Variants in SH3BP2 observed in about 807,000 individuals in gnomAD.
The protein encoded by SH3BP2 is SH3 domain binding protein 2, also known as SH3 domain-binding protein 2.
In SH3BP2, 38 loss-of-function variants were observed where a neutral mutation model predicts 56.2. The ratio of observed to expected loss-of-function variants is 0.68; its 90% CI spans 0.52 to 0.89. SH3BP2 has a LOEUF of 0.89. SH3BP2 is among the 40% of genes least tolerant of loss of function. SH3BP2 has a pLI of 0.00. For synonymous variants in SH3BP2, 346 were observed against 316.7 expected (o/e 1.09, Z -0.98); for missense variants, 748 against 762.6 (o/e 0.98, Z 0.23).
At chr4:2,800,987 G>A (rs1395884180) in intron 1 of SH3BP2, among the ~76,000 whole-genome samples, 1 of 123,604 alleles carries the variant, frequency 8.1e-6, no homozygotes, top group Non-Finnish European at 1.9e-5. Context: ...TGACAGGCTG[G>A]CTCCGAGGGA....
At chr4:2,823,544 C>T in intron 3 of SH3BP2, 1 of 456,030 alleles carries the variant, frequency 2.2e-6, no homozygotes. Flanking sequence ...CCATGAGCTG[C>T]CCTGGAGGGC....
chr4:2,820,315 T>G (rs964091484), intron 1 of SH3BP2, among the ~76,000 whole-genome samples: 2 of 152,192 alleles, frequency 1.3e-5, no homozygotes, highest in African/African-American at 4.8e-5. Context: ...GGCCTTGCGC[T>G]CAGTGGCTGT....
In SH3BP2 at chr4:2,829,642, G is replaced by A; in HGVS notation, c.736G>A (p.Asp246Asn). The change falls in exon 8 of 13, where the codon GAT (aspartate) becomes AAT (asparagine). Residue 246 changes from aspartate to asparagine, a missense_variant. Around this residue, in one of 3 missense-constraint regions of SH3BP2, gnomAD observed 635 missense variants for 615.0 expected, o/e 1.03. Coordinates refer to ENST00000503393, the MANE Select transcript of SH3BP2 (RefSeq NM_001122681.2). The surrounding 1 kb of genome is among the most constrained non-coding windows in gnomAD (Gnocchi z 4.9). ...CCCGCCCCCTAAGCACGGCCTCCCA[G>A]ATGTTGGCCTGGCTGCTGAGGACTC... ...PPPPPKHGLP[D>N]VGLAAEDSKR... 1 of 1,612,658 alleles carries A rather than the reference G, an allele frequency of 6.2e-7. No homozygotes were observed. Among genetic ancestry groups the A allele is most frequent in the South Asian group, 1.1e-5 (1 of 91,056 alleles).
At chr4:2,824,553 G>A (rs1577359226) in intron 3 of SH3BP2, 60 bp from the exon 4 acceptor site, 7 of 1,280,114 alleles carry the variant, frequency 5.5e-6, no homozygotes, top group South Asian at 2.4e-5. Context: ...GGGGGGTGCT[G>A]TGGGAAGGCC....
intron 1 of SH3BP2, among the ~76,000 whole-genome samples, chr4:2,820,126 C>G (rs966448503): frequency 1.3e-5 from 2 of 152,202 alleles, no homozygotes; most frequent in African/African-American, 4.8e-5. Flanking sequence ...GAAAGTCACA[C>G]CAGGATGGGA....
chr4:2,807,750 G>A (rs561642543), intron 1 of SH3BP2, among the ~76,000 whole-genome samples: 1 of 152,190 alleles, frequency 6.6e-6, no homozygotes, highest in Non-Finnish European at 1.5e-5. Context: ...AGACAAGGAA[G>A]GGCAGGCCAA....
Position 2,810,728 on chromosome 4 carries a change from C to T in SH3BP2, c.-4-9886C>T, listed in dbSNP as rs575675402. Among the ~76,000 whole-genome samples, 23 of 152,246 alleles carry T rather than the reference C, an allele frequency of 1.5e-4. No homozygotes were observed. Among genetic ancestry groups the T allele is most frequent in the African/African-American group, 5.5e-4 (23 of 41,560 alleles). On this transcript the variant is annotated intron_variant, in intron 1 of 12. Transcript: ENST00000503393. The surrounding 1 kb of genome is among the most constrained non-coding windows in gnomAD (Gnocchi z 4.2). Reference sequence around the variant, plus strand: ...AAAGCTGGGCCCCTCCTCTGGGAGGCGTTCCCCAGTCCAGAACCCACAGGG... The same window carrying T: ...AAAGCTGGGCCCCTCCTCTGGGAGGTGTTCCCCAGTCCAGAACCCACAGGG...
In SH3BP2 at chr4:2,840,846, A is replaced by C. The variant is rs377443754; in HGVS notation, c.*7012A>C. 2.6e-5 allele frequency: 4 copies of C among 152,030 alleles called. No individual in the cohort carries two copies. The highest frequency in any genetic ancestry group is 9.7e-5 in the African/African-American group (4 of 41,384). The allele number at this position is 152,030 out of a possible 1,614,324, so 9.4% of individuals were successfully genotyped here. A position where few individuals can be genotyped will look rare whatever the true frequency, so the allele number is the denominator to read the frequency against. ...GTTTTCTGATTCATGAACATGGTTT[A>C]CCTCTCTTTCCATTTGGGTCTTCTT... On this transcript the variant is annotated 3_prime_UTR_variant, in exon 13 of 13. Transcript: ENST00000503393.
intron 8 of SH3BP2, 135 bp downstream of exon 8, chr4:2,830,282 G>T (rs2108739584): frequency 1.2e-6 from 1 of 827,820 alleles, no homozygotes; most frequent in East Asian, 2.7e-5. Flanking sequence ...AGGGTAGGAA[G>T]GTTCCCGGTT....
intron 1 of SH3BP2, among the ~76,000 whole-genome samples, chr4:2,804,392 A>T (rs1429495518): frequency 1.3e-5 from 2 of 152,168 alleles, no homozygotes; most frequent in Non-Finnish European, 2.9e-5. Context: ...CTTCAAGGGA[A>T]CCAGCAGCAT....
intron 12 of SH3BP2, 29 bp from the exon 13 acceptor site, chr4:2,833,667 GC>G: frequency 6.2e-7 from 1 of 1,601,786 alleles, no homozygotes; most frequent in Non-Finnish European, 8.5e-7. Flanking sequence ...GCCTGGCCCT[GC>G]TGACGCTCCC....
At position 2,838,640 on chromosome 4, in the gene SH3BP2, G is replaced by GATTTTTTTTTTTT. The variant is rs1725314200; in HGVS notation, c.*4818_*4819insTATTTTTTTTTTT. 9.5e-6 allele frequency: 1 copy of GATTTTTTTTTTTT among 105,452 alleles called. No homozygotes were observed. Among genetic ancestry groups the GATTTTTTTTTTTT allele is most frequent in the African/African-American group, 3.4e-5 (1 of 29,320 alleles). The allele number at this position is 105,452 out of a possible 1,614,324, so 6.5% of individuals were successfully genotyped here. The stretch of plus-strand genomic sequence containing the variant: ...AAACATTATAAAGATTTTTGTTTGC[G>GATTTTTTTTTTTT]ATTTTTTTTTTTAGCTCATCAGCTA... On this transcript the variant is annotated 3_prime_UTR_variant, in exon 13 of 13. Coordinates refer to ENST00000503393, the MANE Select transcript of SH3BP2 (RefSeq NM_001122681.2).
intron 1 of SH3BP2, among the ~76,000 whole-genome samples, chr4:2,798,271 G>C (rs572403732): frequency 1.3e-5 from 2 of 152,232 alleles, no homozygotes; most frequent in Non-Finnish European, 2.9e-5. Flanking sequence ...CTTCCTAAAC[G>C]TGTGTTGGCT....
In SH3BP2 at chr4:2,833,863, G is replaced by T. The variant is rs1407722166; in HGVS notation, c.*29G>T. 5.2e-6 allele frequency: 8 copies of T among 1,541,978 alleles called. No individual in the cohort carries two copies. In the Admixed American group the frequency reaches 1.6e-4, roughly 30 times the overall value. On this transcript the variant is annotated 3_prime_UTR_variant, in exon 13 of 13. Coordinates refer to ENST00000503393, the MANE Select transcript of SH3BP2 (RefSeq NM_001122681.2). ...CAGTCCATGTGGCTGCCAGGCCAAGGCAGTCACAGGGGCCCTGACCCCAGG... is the reference window on the plus strand; with the variant it reads ...CAGTCCATGTGGCTGCCAGGCCAAGTCAGTCACAGGGGCCCTGACCCCAGG...
rs1349472672 is a variant in SH3BP2 at position 2,829,302 on chromosome 4, G to C, written c.587-191G>C. On this transcript the variant is annotated intron_variant, in intron 7 of 12. Transcript: ENST00000503393. The surrounding 1 kb of genome is among the most constrained non-coding windows in gnomAD (Gnocchi z 4.9). ...AGGGAGGATGAATGGGGAAGGCTGG[G>C]GGTGGTGGGTGGTCTGGGACCCTGG... Among the ~76,000 whole-genome samples the C allele has an allele frequency of 6.6e-6, 1 of 152,084 alleles. No individual in the cohort carries two copies. The highest frequency in any genetic ancestry group is 2.4e-5 in the African/African-American group (1 of 41,404).
Position 2,832,430 on chromosome 4 carries a change from A to T in SH3BP2, c.1488+18A>T, listed in dbSNP as rs552510158. On this transcript the variant is annotated intron_variant, in intron 11 of 12. Transcript: ENST00000503393. ...CGGGGAAGGTAGGCGCCAGGGGAAG[A>T]TGCCCCAGGGCCCCTCTGGCTCTCC... The T allele has an allele frequency of 1.2e-6, 2 of 1,604,228 alleles. No homozygotes were observed. The highest frequency in any genetic ancestry group is 2.2e-5 in the East Asian group (1 of 44,816).
At chr4:2,808,426 G>A (rs76075986) in intron 1 of SH3BP2, among the ~76,000 whole-genome samples, 1 of 152,164 alleles carries the variant, frequency 6.6e-6, no homozygotes, top group Non-Finnish European at 1.5e-5. Flanking sequence ...GTGTTCACAG[G>A]TTCTGGGGAT....
chr4:2,819,903 G>A (rs1040266790), intron 1 of SH3BP2, among the ~76,000 whole-genome samples: 2 of 152,064 alleles, frequency 1.3e-5, no homozygotes, highest in African/African-American at 4.8e-5. Context: ...GGGTCCTGTG[G>A]GCCTGGGTTA....
rs1349869329 is a variant in SH3BP2 at position 2,832,324 on chromosome 4, A to C, written c.1407-7A>C. 1 of 1,612,670 alleles carries C rather than the reference A, an allele frequency of 6.2e-7. No homozygotes were observed. The highest frequency in any genetic ancestry group is 8.5e-7 in the Non-Finnish European group (1 of 1,178,802). On this transcript the variant is annotated splice_region_variant and splice_polypyrimidine_tract_variant and intron_variant, in intron 10 of 12. Transcript: ENST00000503393. The stretch of plus-strand genomic sequence containing the variant: ...ACTCACCCGCTAATATGACTGTCTT[A>C]TTTTAGGTTGTTCAAGGCTACAAGC...
Sources: allele counts gnomAD v4.1 joint callset (sites outside exome capture counted in the v4.1 genomes callset), GRCh38; gene constraint gnomAD v4.1.1; regional missense constraint gnomAD v4.1.1; non-coding constraint Gnocchi (gnomAD v3.1); transcripts MANE v1.5; gene names NCBI Gene and HGNC (gene_info 2026-07-23, HGNC 2026-07-21).